The following TNIK variants were observed in gnomAD, a reference collection of about 807,000 sequenced individuals.
TNIK encodes the protein TRAF2 and NCK interacting kinase, also known as TRAF2 and NCK-interacting protein kinase.
In TNIK, 49 loss-of-function variants were observed where a neutral mutation model predicts 191.3. The ratio of observed to expected loss-of-function variants is 0.26; its 90% confidence interval spans 0.20 to 0.32. TNIK has a LOEUF of 0.32. Ranked by LOEUF, TNIK falls within the 10% of genes least tolerant of loss-of-function variation. The probability of loss-of-function intolerance (pLI) is 1.00; values close to 1 mark genes in which losing one functional copy is unlikely to be tolerated. For synonymous variants in TNIK, 594 were observed against 600.9 expected, an observed-to-expected ratio of 0.99 and a Z score of 0.17; for missense variants, 1,155 against 1,702.3, an observed-to-expected ratio of 0.68 and a Z score of 5.66.
At chr3:171,349,939 A>C (rs1712861714) in intron 2 of TNIK, among the ~76,000 whole-genome samples, 1 of 152,172 alleles carries the variant, frequency 6.6e-6, no homozygotes, top group African/African-American at 2.4e-5. Flanking sequence ...GCAAGATCTT[A>C]AGTTGTTTTT....
At chr3:171,304,878 A>G (rs9876374) in intron 2 of TNIK, among the ~76,000 whole-genome samples, 70,367 of 151,454 alleles carry the variant, frequency 0.46, 17,000 homozygotes, top group Non-Finnish European at 0.51. Flanking sequence ...GGAGTGGGGA[A>G]GGATAGCATT....
At chr3:171,365,014 A>C (rs1216818988) in intron 2 of TNIK, among the ~76,000 whole-genome samples, 1 of 152,042 alleles carries the variant, frequency 6.6e-6, no homozygotes, top group East Asian at 1.9e-4. Flanking sequence ...CGTGGGGATA[A>C]TGAAGGGCCT....
intron 2 of TNIK, among the ~76,000 whole-genome samples, chr3:171,292,155 A>C (rs1226963898): frequency 1.3e-5 from 2 of 152,222 alleles, no homozygotes; most frequent in Admixed American, 1.3e-4. Context: ...CCTTTATCTC[A>C]ATTATAAGAG....
At chr3:171,276,308 AC>A (rs139567870) in intron 2 of TNIK, among the ~76,000 whole-genome samples, 30,986 of 152,162 alleles carry the variant, frequency 0.2, 3,392 homozygotes, top group South Asian at 0.25. Context: ...GTTTTCAGGA[AC>A]CAGTGGATCT....
At chr3:171,265,479 A>G (rs1449220494) in intron 2 of TNIK, among the ~76,000 whole-genome samples, 2 of 152,238 alleles carry the variant, frequency 1.3e-5, no homozygotes, top group Non-Finnish European at 2.9e-5. Context: ...AGGTAGTTAC[A>G]TGAACTGAGT....
At chr3:171,357,512 C>T (rs1357182031) in intron 2 of TNIK, among the ~76,000 whole-genome samples, 2 of 151,398 alleles carry the variant, frequency 1.3e-5, no homozygotes, top group African/African-American at 4.9e-5. Flanking sequence ...TGGTCTCAAA[C>T]TCCTGACCTC....
At chr3:171,302,004 C>G (rs1040033226) in intron 2 of TNIK, among the ~76,000 whole-genome samples, 2 of 152,092 alleles carry the variant, frequency 1.3e-5, no homozygotes, top group African/African-American at 4.8e-5. Flanking sequence ...AATAAATTGG[C>G]GAAATGTTCA....
intron 2 of TNIK, among the ~76,000 whole-genome samples, chr3:171,310,751 T>C (rs1389436463): frequency 6.6e-6 from 1 of 152,196 alleles, no homozygotes; most frequent in Non-Finnish European, 1.5e-5. Flanking sequence ...ATAAAGCTTT[T>C]CTTTTCAAGC....
intron 7 of TNIK, among the ~76,000 whole-genome samples, chr3:171,185,024 ACTTCATTGG>A (rs1737181384): frequency 6.6e-6 from 1 of 152,178 alleles, no homozygotes; most frequent in Non-Finnish European, 1.5e-5. Context: ...TGCATCTCTT[ACTTCATTGG>A]CTTCATATAA....
intron 10 of TNIK, among the ~76,000 whole-genome samples, chr3:171,166,712 G>A (rs1259752039): frequency 6.6e-6 from 1 of 152,142 alleles, no homozygotes; most frequent in African/African-American, 2.4e-5. Flanking sequence ...AAGAATGTCA[G>A]TACAGAAAAA....
At chr3:171,275,238 A>C (rs569747742) in intron 2 of TNIK, among the ~76,000 whole-genome samples, 3 of 152,338 alleles carry the variant, frequency 2.0e-5, no homozygotes, top group Non-Finnish European at 4.4e-5. Context: ...CAAAGCCCAC[A>C]TAGAGAGTCA....
chr3:171,453,741 G>GA (rs1159044206), intron 1 of TNIK, among the ~76,000 whole-genome samples: 1 of 152,090 alleles, frequency 6.6e-6, no homozygotes, highest in Admixed American at 6.5e-5. Flanking sequence ...GCACTTGCAG[G>GA]GAACAGTGGA....
chr3:171,151,060 C>A (rs1362923358), intron 12 of TNIK, among the ~76,000 whole-genome samples: 1 of 152,212 alleles, frequency 6.6e-6, no homozygotes, highest in African/African-American at 2.4e-5. Context: ...GCCAAGTCCT[C>A]TGTATTTATG....
intron 1 of TNIK, among the ~76,000 whole-genome samples, chr3:171,407,409 T>A (rs1286428535): frequency 6.6e-6 from 1 of 152,256 alleles, no homozygotes; most frequent in Non-Finnish European, 1.5e-5. Flanking sequence ...AATTGCCTTG[T>A]TGCTTTGGTC....
At chr3:171,074,202 G>A (rs750273884) in intron 28 of TNIK, among the ~76,000 whole-genome samples, 6 of 151,990 alleles carry the variant, frequency 3.9e-5, no homozygotes, top group Non-Finnish European at 7.4e-5. Context: ...GAATGAAATC[G>A]TGCCCTTGGC....
At chr3:171,414,832 G>T (rs982231736) in intron 1 of TNIK, among the ~76,000 whole-genome samples, 3 of 152,212 alleles carry the variant, frequency 2.0e-5, no homozygotes, top group Non-Finnish European at 4.4e-5. Flanking sequence ...ATTTAATGCA[G>T]TTCTATACTA....
At chr3:171,131,318 A>G (rs1475274561) in intron 15 of TNIK, among the ~76,000 whole-genome samples, 2 of 126,366 alleles carry the variant, frequency 1.6e-5, no homozygotes, top group East Asian at 2.7e-4. Context: ...AGCCTGGGCG[A>G]CAGAGCGAGA....
intron 2 of TNIK, among the ~76,000 whole-genome samples, chr3:171,235,382 C>T (rs1227151266): frequency 1.3e-5 from 2 of 152,150 alleles, no homozygotes. Context: ...GGAGGACTAA[C>T]CCCCCTAGGT....
intron 21 of TNIK, among the ~76,000 whole-genome samples, chr3:171,106,943 C>T (rs748471460): frequency 5.9e-5 from 9 of 152,116 alleles, no homozygotes; most frequent in Non-Finnish European, 1.0e-4. Flanking sequence ...TGTCATTAGC[C>T]AGACTGGAAC....
Sources: gnomAD v4.1 joint callset for allele counts (sites outside exome capture counted in the v4.1 genomes callset) on GRCh38, gnomAD v4.1.1 for gene constraint, MANE v1.5 for transcripts, NCBI Gene and HGNC (gene_info 2026-07-23, HGNC 2026-07-21) for gene names.